The following SOBP variants were observed in gnomAD, a reference collection of about 807,000 sequenced individuals.
SOBP encodes sine oculis binding protein homolog, also known as sine oculis-binding protein homolog.
SOBP carries 4 observed loss-of-function variants against 53.6 expected under a neutral mutation model. That is an observed-to-expected ratio of 0.07 (90% confidence interval 0.04 to 0.17). SOBP has a LOEUF of 0.17. Among genes scored for constraint, SOBP ranks in the 10% least tolerant of loss-of-function variants. The pLI, the probability that SOBP is intolerant of heterozygous loss-of-function variation, is 1.00. For missense variants in SOBP, 1,088 were observed against 1,204.7 expected, an observed-to-expected ratio of 0.90 and a Z score of 1.43; for synonymous variants, 584 against 522.6, an observed-to-expected ratio of 1.12 and a Z score of -1.60.
At chr6:107,630,186 A>C (rs1770647338) in intron 5 of SOBP, among the ~76,000 whole-genome samples, 2 of 152,234 alleles carry the variant, frequency 1.3e-5, no homozygotes, top group African/African-American at 2.4e-5. Context: ...GCACTTCTTA[A>C]TCTTTATCTT....
chr6:107,590,869 T>A (rs1785720820), intron 5 of SOBP, among the ~76,000 whole-genome samples: 2 of 152,152 alleles, frequency 1.3e-5, no homozygotes, highest in Admixed American at 1.3e-4. Context: ...AAATACCCCG[T>A]GCTAATCCAG....
At chr6:107,540,624 A>G (rs888571214) in intron 4 of SOBP, among the ~76,000 whole-genome samples, 3 of 152,212 alleles carry the variant, frequency 2.0e-5, no homozygotes, top group Admixed American at 6.5e-5. Flanking sequence ...AGGCAGATCA[A>G]TGGTTTAATG....
At chr6:107,507,941 TCA>T (rs1783045567) in intron 3 of SOBP, among the ~76,000 whole-genome samples, 1 of 152,216 alleles carries the variant, frequency 6.6e-6, no homozygotes, top group Non-Finnish European at 1.5e-5. Flanking sequence ...GCTATATATT[TCA>T]CACAGAGAAA....
intron 5 of SOBP, among the ~76,000 whole-genome samples, chr6:107,588,073 C>T (rs186922267): frequency 6.6e-6 from 1 of 152,284 alleles, no homozygotes; most frequent in East Asian, 1.9e-4. Context: ...AGTGAAAACA[C>T]TGAAAGAGAA....
Position 107,496,862 on chromosome 6 carries a change from T to C in SOBP, c.96+6150T>C, listed in dbSNP as rs75248923. Among the ~76,000 whole-genome samples the C allele has an allele frequency of 2.0e-5, 3 of 152,250 alleles. No homozygotes were observed. In the East Asian group the frequency reaches 5.8e-4, roughly 29 times the overall value. On this transcript the variant is annotated intron_variant, in intron 1 of 6. Coordinates refer to ENST00000317357, the MANE Select transcript of SOBP (RefSeq NM_018013.4). Reference sequence around the variant, plus strand: ...CTGCAAAGGGCTCTTCAAATATTTCTTTTGCACTATTTAAATTTTATGTCA... The same window carrying C: ...CTGCAAAGGGCTCTTCAAATATTTCCTTTGCACTATTTAAATTTTATGTCA...
chr6:107,547,244 G>T (rs146546450), intron 4 of SOBP, among the ~76,000 whole-genome samples: 1 of 152,146 alleles, frequency 6.6e-6, no homozygotes, highest in African/African-American at 2.4e-5. Flanking sequence ...TAATCCTCAC[G>T]TCCCTGATAT....
At chr6:107,644,353 CTG>C (rs901471138) in intron 6 of SOBP, among the ~76,000 whole-genome samples, 73 of 152,258 alleles carry the variant, frequency 4.8e-4, no homozygotes, top group African/African-American at 1.7e-3. Context: ...GGATCTCAGT[CTG>C]TGTCCACATG....
chr6:107,596,868 C>T (rs952446380), intron 5 of SOBP, among the ~76,000 whole-genome samples: 2 of 152,148 alleles, frequency 1.3e-5, no homozygotes, highest in African/African-American at 4.8e-5. Flanking sequence ...GAGAGCTTCC[C>T]AACCTACAGA....
intron 4 of SOBP, among the ~76,000 whole-genome samples, chr6:107,562,287 G>A (rs111633648): frequency 6.6e-5 from 10 of 151,984 alleles, no homozygotes; most frequent in Non-Finnish European, 1.3e-4. Flanking sequence ...CCAAAGTGCT[G>A]GGATTACAGG....
At chr6:107,528,954 T>A (rs1293532967) in intron 3 of SOBP, among the ~76,000 whole-genome samples, 1 of 152,250 alleles carries the variant, frequency 6.6e-6, no homozygotes, top group Non-Finnish European at 1.5e-5. Flanking sequence ...TGGAGATTAA[T>A]GTTAGTAACT....
rs750448046 is a variant in SOBP at position 107,503,819 on chromosome 6, G to T, written c.235+24G>T. On this transcript the variant is annotated intron_variant, in intron 2 of 6. Transcript: ENST00000317357. ...AGGTAATGACATTTAATGTCCTTTTGTTCATGCAAAGAAGGATTAACTATC... is the reference window on the plus strand; with the variant it reads ...AGGTAATGACATTTAATGTCCTTTTTTTCATGCAAAGAAGGATTAACTATC... The T allele has an allele frequency of 1.9e-6, 3 of 1,612,782 alleles. No individual in the cohort carries two copies. The African/African-American group carries it at 4.0e-5, about 22-fold the overall frequency.
At position 107,635,635 on chromosome 6, in the gene SOBP, G is replaced by A. The variant is rs1771009416; in HGVS notation, c.*3+166G>A. On this transcript the variant is annotated intron_variant, in intron 6 of 6. Coordinates refer to ENST00000317357, the MANE Select transcript of SOBP (RefSeq NM_018013.4). The surrounding 1 kb of genome is among the most constrained non-coding windows in gnomAD (Gnocchi z 4.5). The stretch of plus-strand genomic sequence containing the variant: ...AACATTCTGAGCCAGCAGCTCTGAT[G>A]CTGAGTTGTTCAGTAGCATCATTCC... Among the ~76,000 whole-genome samples, 1 of 152,202 alleles carries A rather than the reference G, an allele frequency of 6.6e-6. No homozygotes were observed. Among genetic ancestry groups the A allele is most frequent in the Non-Finnish European group, 1.5e-5 (1 of 68,034 alleles).
At chr6:107,537,786 C>G (rs920874775) in intron 4 of SOBP, among the ~76,000 whole-genome samples, 1 of 149,022 alleles carries the variant, frequency 6.7e-6, no homozygotes, top group African/African-American at 2.5e-5. Context: ...TGCCATTGTA[C>G]TCCTTCCTGG....
intron 4 of SOBP, among the ~76,000 whole-genome samples, chr6:107,533,852 CTG>C (rs1482161778): frequency 6.6e-6 from 1 of 152,202 alleles, no homozygotes; most frequent in Non-Finnish European, 1.5e-5. Flanking sequence ...GATGAGGACA[CTG>C]TGATCACAGC....
At position 107,634,877 on chromosome 6, in the gene SOBP, C is replaced by T; in HGVS notation, c.2033C>T (p.Ala678Val). The T allele has an allele frequency of 9.7e-6, 13 of 1,346,746 alleles. No individual in the cohort carries two copies. Among genetic ancestry groups the T allele is most frequent in the Non-Finnish European group, 1.2e-5 (13 of 1,040,864 alleles). 83.4% of individuals were successfully genotyped at this position (1,346,746 alleles called of 1,614,324 possible). Residue 678 changes from alanine (A) to valine (V), a missense_variant, in exon 6 of 7, where the codon GCG (alanine) becomes GTG (valine). Physicochemically the swap from Ala to Val is moderately conservative, Grantham distance 64. Coordinates refer to ENST00000317357, the MANE Select transcript of SOBP (RefSeq NM_018013.4). This position sits in a 1 kb window ranked among gnomAD's most constrained non-coding sequence, Gnocchi z 4.5. ...IHRALHAHVKAEREPSAAERR... is the reference protein window; with the variant it reads ...IHRALHAHVKVEREPSAAERR... ...CGCGCGCTGCACGCGCACGTCAAGG[C>T]GGAGCGCGAGCCGAGCGCCGCGGAG...
chr6:107,614,382 A>G (rs1316455155), intron 5 of SOBP, among the ~76,000 whole-genome samples: 2 of 152,142 alleles, frequency 1.3e-5, no homozygotes, highest in Admixed American at 6.5e-5. Context: ...AAATATATAT[A>G]TGAAAGGACA....
intron 5 of SOBP, among the ~76,000 whole-genome samples, chr6:107,633,131 G>A (rs1461921431): frequency 6.6e-6 from 1 of 152,208 alleles, no homozygotes; most frequent in African/African-American, 2.4e-5. Flanking sequence ...ACTTTCTGGA[G>A]AACCTTTCCC....
chr6:107,501,629 A>G (rs1301244446), intron 1 of SOBP, among the ~76,000 whole-genome samples: 1 of 152,112 alleles, frequency 6.6e-6, no homozygotes. Flanking sequence ...TCATCCTTGG[A>G]GATTTCTGCT....
At chr6:107,540,632 A>G (rs1034322740) in intron 4 of SOBP, among the ~76,000 whole-genome samples, 1 of 152,224 alleles carries the variant, frequency 6.6e-6, no homozygotes, top group African/African-American at 2.4e-5. Flanking sequence ...CAATGGTTTA[A>G]TGAATCCATA....
Sources: gnomAD v4.1 joint callset for allele counts (sites outside exome capture counted in the v4.1 genomes callset) on GRCh38, gnomAD v4.1.1 for gene constraint, Gnocchi (gnomAD v3.1) non-coding constraint, MANE v1.5 for transcripts, NCBI Gene and HGNC (gene_info 2026-07-23, HGNC 2026-07-21) for gene names.